Variants in OLFM3 observed in about 807,000 individuals in gnomAD.
The protein encoded by OLFM3 is olfactomedin 3, also known as noelin-3.
OLFM3 carries 20 observed loss-of-function variants against 48.6 expected under a neutral mutation model. The observed-to-expected ratio is 0.41, with a 90% confidence interval of 0.29 to 0.60. The LOEUF (loss-of-function observed/expected upper bound fraction) is 0.60. OLFM3 is among the 20% of genes least tolerant of loss of function. The probability of loss-of-function intolerance (pLI) is 0.28; values close to 1 mark genes in which losing one functional copy is unlikely to be tolerated. For missense variants in OLFM3, 437 were observed against 544.3 expected, an observed-to-expected ratio of 0.80 and a Z score of 1.96; for synonymous variants, 222 against 198.1, an observed-to-expected ratio of 1.12 and a Z score of -1.01.
At position 101,825,111 on chromosome 1, in the gene OLFM3, C is replaced by T. The variant is rs1328974996; in HGVS notation, c.507G>A (p.Glu169=). The T allele has an allele frequency of 2.5e-6, 4 of 1,614,068 alleles. No homozygotes were observed. The South Asian group carries it at 4.4e-5, about 18-fold the overall frequency. The change falls in exon 4 of 6, where the codon GAG becomes GAA. Residue 169 remains glutamate (E), a synonymous_variant. Transcript: ENST00000370103. ...NLSAVLTGIQ[E]EIGAYDYEEL... is the part of the protein sequence containing the mutation. ...CCTCGTAGTCATAGGCACCAATTTC[C>T]TCCTGAATACCAGTGAGGACAGCAG... is the stretch of plus-strand genomic sequence containing the variant.
chr1:101,839,466 A>G (rs1655601523), intron 1 of OLFM3, among the ~76,000 whole-genome samples: 1 of 152,356 alleles, frequency 6.6e-6, no homozygotes, highest in Middle Eastern at 3.4e-3. Context: ...TCTGGACATA[A>G]GCCCTGCAGT....
chr1:101,956,207 T>TA (rs1161548676), intron 1 of OLFM3, among the ~76,000 whole-genome samples: 1 of 151,464 alleles, frequency 6.6e-6, no homozygotes, highest in Non-Finnish European at 1.5e-5. Context: ...GCAATCTTAC[T>TA]AAAAACAAAA....
intron 1 of OLFM3, among the ~76,000 whole-genome samples, chr1:101,957,810 CAAT>C (rs1308968748): frequency 6.6e-6 from 1 of 151,888 alleles, no homozygotes; most frequent in Non-Finnish European, 1.5e-5. Context: ...AGATATCTAG[CAAT>C]AATAAGGAAG....
chr1:101,838,266 C>T (rs940421410), intron 1 of OLFM3, among the ~76,000 whole-genome samples: 1 of 152,184 alleles, frequency 6.6e-6, no homozygotes, highest in African/African-American at 2.4e-5. Flanking sequence ...ACTATGTTGG[C>T]CAGCCTGGTC....
rs965237733 is a variant in OLFM3, at chr1:101,849,277, T to C, written c.70-12252A>G. On this transcript the variant is annotated intron_variant, in intron 1 of 5. Coordinates refer to ENST00000370103, the MANE Select transcript of OLFM3 (RefSeq NM_058170.4). ...ACTCTCATAGTCTACTGAAGTGATATCCATTTGAAAAGTTGAGTCCTAGTT... is the reference window on the plus strand; with the variant it reads ...ACTCTCATAGTCTACTGAAGTGATACCCATTTGAAAAGTTGAGTCCTAGTT... Among the ~76,000 whole-genome samples the C allele has an allele frequency of 2.0e-5, 3 of 152,234 alleles. No homozygotes were observed. In the East Asian group the frequency reaches 5.8e-4, roughly 29 times the overall value.
intron 1 of OLFM3, among the ~76,000 whole-genome samples, chr1:101,979,091 G>GC (rs1325620071): frequency 5.3e-5 from 8 of 152,108 alleles, no homozygotes; most frequent in African/African-American, 1.9e-4. Context: ...TGTATGTCTT[G>GC]TGGGGGGGCA....
At chr1:101,922,528 G>A (rs527613916) in intron 1 of OLFM3, among the ~76,000 whole-genome samples, 19 of 152,280 alleles carry the variant, frequency 1.2e-4, no homozygotes, top group African/African-American at 4.6e-4. Context: ...TGACAGGTCA[G>A]ATGTTTCTTT....
At chr1:101,832,955 T>C (rs1570537443) in intron 2 of OLFM3, among the ~76,000 whole-genome samples, 1 of 152,304 alleles carries the variant, frequency 6.6e-6, no homozygotes, top group East Asian at 1.9e-4. Context: ...CTAACTTCAT[T>C]TGTGGTTAAA....
chr1:101,936,895 A>G (rs1044980325), intron 1 of OLFM3, among the ~76,000 whole-genome samples: 4 of 152,174 alleles, frequency 2.6e-5, no homozygotes, highest in Admixed American at 1.3e-4. Flanking sequence ...TGCTGGTGGT[A>G]TAAGTGTTTA....
chr1:101,944,335 A>T (rs1659890191), intron 1 of OLFM3, among the ~76,000 whole-genome samples: 2 of 152,140 alleles, frequency 1.3e-5, no homozygotes, highest in Admixed American at 6.6e-5. Context: ...ATATGACTTC[A>T]TTGTAATAAT....
chr1:101,910,162 A>G, intron 1 of OLFM3: 1 of 984,820 alleles, frequency 1.0e-6, no homozygotes, highest in Non-Finnish European at 1.2e-6. Flanking sequence ...TCGAGTATCT[A>G]TCATGTTAAA....
intron 1 of OLFM3, among the ~76,000 whole-genome samples, chr1:101,973,083 T>C (rs1660853749): frequency 6.6e-6 from 1 of 152,188 alleles, no homozygotes; most frequent in Non-Finnish European, 1.5e-5. Flanking sequence ...TGTATTAGGG[T>C]CTTCAGAAAA....
At chr1:101,981,768 G>A (rs1394889685) in intron 1 of OLFM3, among the ~76,000 whole-genome samples, 2 of 152,192 alleles carry the variant, frequency 1.3e-5, no homozygotes, top group Middle Eastern at 3.4e-3. Flanking sequence ...TTATTTCCCT[G>A]TTAGCTAATG....
chr1:101,853,151 G>C (rs2100951075), intron 1 of OLFM3, among the ~76,000 whole-genome samples: 3 of 152,066 alleles, frequency 2.0e-5, no homozygotes, highest in Admixed American at 2.0e-4. Flanking sequence ...ACATAATCTG[G>C]CCTCCTCTTA....
At chr1:101,853,793 A>G (rs140184454) in intron 1 of OLFM3, among the ~76,000 whole-genome samples, 39 of 152,198 alleles carry the variant, frequency 2.6e-4, no homozygotes, top group Admixed American at 5.2e-4. Flanking sequence ...ATGGACCTAT[A>G]CGTGGGTAAT....
At chr1:101,923,924 G>A (rs566471269) in intron 1 of OLFM3, among the ~76,000 whole-genome samples, 3 of 152,024 alleles carry the variant, frequency 2.0e-5, no homozygotes, top group African/African-American at 7.2e-5. Context: ...TGTGATAACA[G>A]AAACTTTGAA....
intron 4 of OLFM3, among the ~76,000 whole-genome samples, chr1:101,824,163 G>T (rs1324914021): frequency 6.6e-6 from 1 of 151,784 alleles, no homozygotes; most frequent in South Asian, 2.1e-4. Flanking sequence ...ATCCACAAAA[G>T]AATTTATTTA....
At chr1:101,947,268 T>A (rs1659991358) in intron 1 of OLFM3, among the ~76,000 whole-genome samples, 1 of 152,192 alleles carries the variant, frequency 6.6e-6, no homozygotes, top group African/African-American at 2.4e-5. Context: ...ATGATTTGAA[T>A]TTTACCAGGA....
intron 4 of OLFM3, among the ~76,000 whole-genome samples, chr1:101,824,022 C>T (rs1186781680): frequency 1.3e-5 from 2 of 152,062 alleles, no homozygotes; most frequent in Non-Finnish European, 2.9e-5. Context: ...ATAGTCTTTA[C>T]AATGTTCTTG....
Sources: allele counts gnomAD v4.1 joint callset (sites outside exome capture counted in the v4.1 genomes callset), GRCh38; gene constraint gnomAD v4.1.1; transcripts MANE v1.5; gene names NCBI Gene and HGNC (gene_info 2026-07-23, HGNC 2026-07-21).